CSMD1: variants seen among roughly 807,000 people sequenced by gnomAD.
CSMD1 encodes the protein CUB and Sushi multiple domains 1.
A neutral mutation model predicts 417.5 loss-of-function variants in CSMD1; 213 were observed. That is an observed-to-expected ratio of 0.51 (90% CI 0.46 to 0.57). The LOEUF is 0.57. CSMD1 is among the 20% of genes least tolerant of loss of function. The pLI, the probability that CSMD1 is intolerant of heterozygous loss-of-function variation, is 0.00. For missense variants in CSMD1, 6,923 were observed against 4,529.7 expected, an observed-to-expected ratio of 1.53 and a Z score of -15.17; for synonymous variants, 2,862 against 1,736.8, an observed-to-expected ratio of 1.65 and a Z score of -16.11.
At chr8:2,969,696 A>T (rs777524396) in intron 57 of CSMD1, among the ~76,000 whole-genome samples, 9 of 152,220 alleles carry the variant, frequency 5.9e-5, no homozygotes, top group Non-Finnish European at 1.3e-4. Context: ...CACTGGTTAC[A>T]TCCTTTTTCA....
chr8:4,308,396 C>T (rs1369212213), intron 3 of CSMD1, among the ~76,000 whole-genome samples: 3 of 150,738 alleles, frequency 2.0e-5, no homozygotes, highest in Non-Finnish European at 4.4e-5. Context: ...GTGGTGTATT[C>T]GTGCATGTGT....
At chr8:3,443,271 CTGAT>C (rs913580659) in intron 12 of CSMD1, among the ~76,000 whole-genome samples, 1 of 152,098 alleles carries the variant, frequency 6.6e-6, no homozygotes, top group Non-Finnish European at 1.5e-5. Context: ...GGTTGGAAGA[CTGAT>C]TGAATAAACT....
At chr8:4,919,071 G>C (rs1806261348) in intron 1 of CSMD1, among the ~76,000 whole-genome samples, 1 of 152,156 alleles carries the variant, frequency 6.6e-6, no homozygotes, top group African/African-American at 2.4e-5. Flanking sequence ...TGAGGTAGTA[G>C]TTTGTTAAAC....
At chr8:4,590,457 A>T (rs923862999) in intron 2 of CSMD1, among the ~76,000 whole-genome samples, 28 of 152,160 alleles carry the variant, frequency 1.8e-4, no homozygotes, top group Non-Finnish European at 3.5e-4. Flanking sequence ...ACTCATTAAG[A>T]TTGTTCTGGT....
chr8:4,746,166 T>C (rs926615628), intron 1 of CSMD1, among the ~76,000 whole-genome samples: 2 of 152,218 alleles, frequency 1.3e-5, no homozygotes, highest in Non-Finnish European at 2.9e-5. Flanking sequence ...TTGCACCTTT[T>C]CATCCAAAAT....
intron 3 of CSMD1, among the ~76,000 whole-genome samples, chr8:4,326,395 C>T (rs57102073): frequency 0.012 from 1,874 of 152,222 alleles, 38 homozygotes; most frequent in African/African-American, 0.041. Context: ...CTCAGATTTT[C>T]AGCGCAGATA....
chr8:4,353,301 A>C (rs1473657814), intron 3 of CSMD1, among the ~76,000 whole-genome samples: 1 of 152,034 alleles, frequency 6.6e-6, no homozygotes, highest in Non-Finnish European at 1.5e-5. Flanking sequence ...AGTTTCCTTC[A>C]CAAGCTCTCT....
At chr8:3,505,478 G>A (rs922021401) in intron 10 of CSMD1, among the ~76,000 whole-genome samples, 1 of 152,148 alleles carries the variant, frequency 6.6e-6, no homozygotes, top group Admixed American at 6.5e-5. Context: ...AAAGAGTTGA[G>A]AAGGAAGATA....
At chr8:3,938,088 G>A (rs1338614577) in intron 5 of CSMD1, among the ~76,000 whole-genome samples, 1 of 152,092 alleles carries the variant, frequency 6.6e-6, no homozygotes, top group East Asian at 1.9e-4. Flanking sequence ...GGATCGTGTA[G>A]TAGAAATTTT....
intron 3 of CSMD1, among the ~76,000 whole-genome samples, chr8:4,254,959 A>G (rs926043414): frequency 6.6e-6 from 1 of 152,214 alleles, no homozygotes; most frequent in African/African-American, 2.4e-5. Flanking sequence ...AGTGGACTCC[A>G]TAACCATCGA....
At chr8:4,237,606 C>T (rs1181022502) in intron 3 of CSMD1, among the ~76,000 whole-genome samples, 1 of 151,746 alleles carries the variant, frequency 6.6e-6, no homozygotes, top group Non-Finnish European at 1.5e-5. Flanking sequence ...GTCATCACAA[C>T]TTACTGCAGC....
chr8:3,794,562 A>G (rs2129069077), intron 5 of CSMD1, among the ~76,000 whole-genome samples: 1 of 152,226 alleles, frequency 6.6e-6, no homozygotes, highest in Non-Finnish European at 1.5e-5. Context: ...CTGCCATCAA[A>G]GTGCTAGTAA....
chr8:4,462,732 GA>G (rs1306385456), intron 2 of CSMD1, among the ~76,000 whole-genome samples: 11 of 151,976 alleles, frequency 7.2e-5, no homozygotes, highest in African/African-American at 2.4e-4. Flanking sequence ...AAACAATCAA[GA>G]AAAAAATAGT....
intron 25 of CSMD1, among the ~76,000 whole-genome samples, chr8:3,285,147 C>T (rs1200246049): frequency 6.6e-6 from 1 of 152,090 alleles, no homozygotes; most frequent in Non-Finnish European, 1.5e-5. Context: ...CTGCGTATTG[C>T]ACACCGATTA....
At chr8:3,691,449 C>T (rs115144253) in intron 7 of CSMD1, among the ~76,000 whole-genome samples, 2,104 of 152,234 alleles carry the variant, frequency 0.014, 44 homozygotes, top group African/African-American at 0.047. Flanking sequence ...ATTGGCGCTT[C>T]CTTTATGCAA....
intron 49 of CSMD1, among the ~76,000 whole-genome samples, chr8:3,086,161 T>A (rs558441306): frequency 6.6e-6 from 1 of 151,962 alleles, no homozygotes; most frequent in African/African-American, 2.4e-5. Flanking sequence ...GAGAAATATA[T>A]CTTCTTCTAA....
intron 1 of CSMD1, among the ~76,000 whole-genome samples, chr8:4,678,354 T>G (rs1270882818): frequency 6.6e-6 from 1 of 152,010 alleles, no homozygotes; most frequent in African/African-American, 2.4e-5. Context: ...GAGGTTGCAG[T>G]GAGCCAAGAT....
At chr8:3,993,881 A>C (rs1814951421) in intron 5 of CSMD1, among the ~76,000 whole-genome samples, 1 of 152,190 alleles carries the variant, frequency 6.6e-6, no homozygotes, top group South Asian at 2.1e-4. Flanking sequence ...GGGATCGACA[A>C]AAGATAGGCA....
intron 3 of CSMD1, among the ~76,000 whole-genome samples, chr8:4,097,323 T>G (rs1801066918): frequency 6.6e-6 from 1 of 152,192 alleles, no homozygotes; most frequent in Non-Finnish European, 1.5e-5. Context: ...CTTATTTTAA[T>G]TTGCCTCAGT....
Sources: gnomAD v4.1 joint callset for allele counts (sites outside exome capture counted in the v4.1 genomes callset) on GRCh38, gnomAD v4.1.1 for gene constraint, MANE v1.5 for transcripts, NCBI Gene and HGNC (gene_info 2026-07-23, HGNC 2026-07-21) for gene names.